Variants in TENM2 observed in about 807,000 individuals in gnomAD.
The protein encoded by TENM2 is teneurin transmembrane protein 2, also known as teneurin-2.
A neutral mutation model predicts 245.2 loss-of-function variants in TENM2; 52 were observed. The observed-to-expected ratio is 0.21, with a 90% CI of 0.17 to 0.27. The LOEUF is 0.27. TENM2 is among the 10% of genes least tolerant of loss of function. The pLI is 1.00. For synonymous variants in TENM2, 1,363 were observed against 1,438.9 expected, an observed-to-expected ratio of 0.95 and a Z score of 1.19; for missense variants, 3,046 against 3,666.8, an observed-to-expected ratio of 0.83 and a Z score of 4.37.
chr5:167,599,742 G>C (rs1294338339), intron 2 of TENM2, among the ~76,000 whole-genome samples: 1 of 152,050 alleles, frequency 6.6e-6, no homozygotes, highest in African/African-American at 2.4e-5. Flanking sequence ...ACAGAGATTT[G>C]GTGATTTTTT....
At chr5:167,390,866 T>G (rs1761711143) in intron 2 of TENM2, among the ~76,000 whole-genome samples, 1 of 152,216 alleles carries the variant, frequency 6.6e-6, no homozygotes, top group Admixed American at 6.5e-5. Flanking sequence ...CAAATCAACT[T>G]AATCTGTCCC....
intron 1 of TENM2, among the ~76,000 whole-genome samples, chr5:167,331,871 A>G (rs1315693220): frequency 6.6e-6 from 1 of 152,218 alleles, no homozygotes; most frequent in Non-Finnish European, 1.5e-5. Context: ...TGTGTAGCCT[A>G]TCACAATGTA....
intron 2 of TENM2, among the ~76,000 whole-genome samples, chr5:167,383,460 C>CT (rs1210300455): frequency 6.6e-6 from 1 of 152,108 alleles, no homozygotes; most frequent in Non-Finnish European, 1.5e-5. Flanking sequence ...CAGAAGAACT[C>CT]TTGCCTCTGG....
chr5:168,069,904 G>A (rs1298109174), intron 7 of TENM2, among the ~76,000 whole-genome samples: 1 of 152,104 alleles, frequency 6.6e-6, no homozygotes, highest in Non-Finnish European at 1.5e-5. Context: ...TCTGGCTGAG[G>A]GTAGCACAGT....
At chr5:167,362,158 G>A (rs1347850476) in intron 1 of TENM2, among the ~76,000 whole-genome samples, 1 of 152,192 alleles carries the variant, frequency 6.6e-6, no homozygotes, top group Non-Finnish European at 1.5e-5. Context: ...AGCAAGGTAG[G>A]AAAGGAAGAA....
intron 2 of TENM2, among the ~76,000 whole-genome samples, chr5:167,391,039 T>C (rs1761722737): frequency 6.6e-6 from 1 of 152,160 alleles, no homozygotes; most frequent in Non-Finnish European, 1.5e-5. Flanking sequence ...CCCTGTTCTT[T>C]TTGGCTGCAG....
chr5:167,372,331 C>G (rs1200138470), intron 1 of TENM2, among the ~76,000 whole-genome samples: 1 of 152,178 alleles, frequency 6.6e-6, no homozygotes, highest in African/African-American at 2.4e-5. Flanking sequence ...CTGAAGACCT[C>G]AAGTTTGTTT....
the TENM2 span, among the ~76,000 whole-genome samples, chr5:167,193,278 T>G: frequency 3.9e-5 from 6 of 152,058 alleles, no homozygotes. Flanking sequence ...GGGGTACATT[T>G]TCAGCATTGC....
chr5:166,984,610 A>C, the TENM2 span, among the ~76,000 whole-genome samples: 3 of 152,132 alleles, frequency 2.0e-5, no homozygotes, highest in Non-Finnish European at 4.4e-5. Flanking sequence ...TAAAAAAGTC[A>C]CTTCAAAATT....
chr5:168,262,372 C>T (rs990579881), exon 29 of TENM2: 11 of 1,601,546 alleles, frequency 6.9e-6, no homozygotes, highest in Admixed American at 3.4e-5. Flanking sequence ...CAGCCGATGG[C>T]GACCTGGTCA....
the TENM2 span, among the ~76,000 whole-genome samples, chr5:167,261,618 G>T: frequency 5.7e-4 from 86 of 152,158 alleles, 1 homozygote; most frequent in African/African-American, 2.0e-3. Flanking sequence ...AAGGTTAAGG[G>T]GACCATTTCT....
chr5:168,065,699 C>G (rs73803871), intron 7 of TENM2, among the ~76,000 whole-genome samples: 2,573 of 150,958 alleles, frequency 0.017, 67 homozygotes, highest in African/African-American at 0.058. Flanking sequence ...AAAAGTTTTA[C>G]AAACAGAGAA....
At chr5:167,049,553 T>C in the TENM2 span, among the ~76,000 whole-genome samples, 3 of 152,204 alleles carry the variant, frequency 2.0e-5, no homozygotes, top group Non-Finnish European at 4.4e-5. Context: ...AGCTGTTAAG[T>C]AAAAATCTTT....
chr5:167,513,564 G>T (rs1582254923), intron 2 of TENM2, among the ~76,000 whole-genome samples: 1 of 152,120 alleles, frequency 6.6e-6, no homozygotes, highest in African/African-American at 2.4e-5. Context: ...ATGTGGTGCC[G>T]TCTTTGGTAT....
rs1167021328 is a variant in TENM2 at position 168,237,000 on chromosome 5, A to ATTTT, written c.5521-7390_5521-7387dup. Among the ~76,000 whole-genome samples the ATTTT allele has an allele frequency of 4.7e-4, 3 of 6,316 alleles. 1 individual carries two copies. Among genetic ancestry groups the ATTTT allele is most frequent in the African/African-American group, 8.7e-4 (1 of 1,152 alleles). The allele number at this position is 6,316 out of a possible 152,430, so 4.1% of individuals were successfully genotyped here. On this transcript the variant is annotated intron_variant, in intron 25 of 28. Coordinates refer to ENST00000518659, the Ensembl canonical transcript of TENM2. ...TATATATATATATATATATATATAT[A>ATTTT]TTTTTTTTTTTTTTTTTTTTTTTTT...
In TENM2 at chr5:167,391,647, A is replaced by AAAAAAAAT. The variant is rs70976420; in HGVS notation, c.502+16174_502+16175insAAAAAAAT. On this transcript the variant is annotated intron_variant, in intron 2 of 28. Transcript: ENST00000518659. ...CAAAAAAAAAAAAAAAAAAAAAAAA[A>AAAAAAAAT]GCACTCTCAAGGATTTCTAACTTTA... Among the ~76,000 whole-genome samples the AAAAAAAAT allele has an allele frequency of 9.5e-5, 12 of 126,836 alleles. 4 individuals carry two copies. Among genetic ancestry groups the AAAAAAAAT allele is most frequent in the Admixed American group, 1.6e-4 (2 of 12,162 alleles). 83.2% of individuals were successfully genotyped at this position (126,836 alleles called of 152,430 possible).
At chr5:168,088,943 T>A (rs1286218277) in intron 7 of TENM2, among the ~76,000 whole-genome samples, 2 of 152,154 alleles carry the variant, frequency 1.3e-5, no homozygotes, top group Admixed American at 6.5e-5. Flanking sequence ...ATAAAAACCT[T>A]TTTATGGAAG....
chr5:167,130,906 TTTTTTTAAAA>T, the TENM2 span, among the ~76,000 whole-genome samples: 10 of 148,746 alleles, frequency 6.7e-5, no homozygotes, highest in African/African-American at 2.5e-4. Flanking sequence ...TTTTTTTTTT[TTTTTTTAAAA>T]AAAAAAAAGA....
intron 2 of TENM2, among the ~76,000 whole-genome samples, chr5:167,585,180 G>C (rs1192546313): frequency 1.3e-5 from 2 of 152,136 alleles, no homozygotes; most frequent in Non-Finnish European, 2.9e-5. Context: ...TTTCCACCCT[G>C]AAGTAGATCC....
Sources: gnomAD v4.1 joint callset for allele counts (sites outside exome capture counted in the v4.1 genomes callset) on GRCh38, gnomAD v4.1.1 for gene constraint, MANE v1.5 for transcripts, NCBI Gene and HGNC (gene_info 2026-07-23, HGNC 2026-07-21) for gene names.